Variants in KPNA4 observed in about 807,000 individuals in gnomAD.
KPNA4 encodes the protein importin subunit alpha-3.
In KPNA4, 13 loss-of-function variants were observed where a neutral mutation model predicts 71.3. The observed-to-expected ratio is 0.18, with a 90% CI of 0.12 to 0.29. KPNA4 has a LOEUF of 0.29. Among genes scored for constraint, KPNA4 ranks in the 10% least tolerant of loss-of-function variants. The probability of loss-of-function intolerance (pLI) is 1.00; values close to 1 mark genes in which losing one functional copy is unlikely to be tolerated. For missense variants in KPNA4, 334 were observed against 603.2 expected, an observed-to-expected ratio of 0.55 and a Z score of 4.67; for synonymous variants, 189 against 195.2, an observed-to-expected ratio of 0.97 and a Z score of 0.26.
chr3:160,554,249 G>A (rs535953689), intron 1 of KPNA4, among the ~76,000 whole-genome samples: 12 of 152,256 alleles, frequency 7.9e-5, no homozygotes, highest in South Asian at 6.2e-4. Context: ...CCCATTTAAA[G>A]TATACAATTC....
intron 1 of KPNA4, among the ~76,000 whole-genome samples, chr3:160,550,651 G>A (rs1722022150): frequency 6.6e-6 from 1 of 152,104 alleles, no homozygotes. Flanking sequence ...TTCATATATG[G>A]CCCTTATTAT....
intron 1 of KPNA4, among the ~76,000 whole-genome samples, chr3:160,539,484 CCAGA>C (rs1325916698): frequency 2.6e-5 from 4 of 152,124 alleles, no homozygotes; most frequent in South Asian, 4.1e-4. Context: ...GGATTACAAC[CCAGA>C]CAGTCTCACA....
rs1720784058 is a variant in KPNA4 at position 160,497,251 on chromosome 3, C to T, written c.*4853G>A. The T allele has an allele frequency of 6.6e-6, 1 of 152,158 alleles. No individual in the cohort carries two copies. The highest frequency in any genetic ancestry group is 2.4e-5 in the African/African-American group (1 of 41,418). 9.4% of individuals were successfully genotyped at this position (152,158 alleles called of 1,614,324 possible). The stretch of plus-strand genomic sequence containing the variant: ...CCAATACGGTGAAACCCCATTTCTA[C>T]TAAAAATACAAAAATTAGCCAGGCG... On this transcript the variant is annotated 3_prime_UTR_variant, in exon 17 of 17. Coordinates refer to ENST00000334256, the MANE Select transcript of KPNA4 (RefSeq NM_002268.5).
At chr3:160,521,225 A>T (rs1017225280) in intron 11 of KPNA4, among the ~76,000 whole-genome samples, 6 of 152,194 alleles carry the variant, frequency 3.9e-5, no homozygotes, top group African/African-American at 1.4e-4. Context: ...GAAGAGGAGT[A>T]GGAAAAAATA....
In KPNA4 at chr3:160,526,094, C is replaced by G. The variant is rs753324634; in HGVS notation, c.570G>C (p.Gln190His). ...CAAGACTTATGACATAATCTCTACA[C>G]TGGGGCCCATCACCTGTAGAAAAAA... ...ALGNIIGDGP[Q>H]CRDYVISLGV... is the part of the protein sequence containing the mutation. The change falls in exon 9 of 17, where the codon CAG (glutamine) becomes CAC (histidine). Residue 190 changes from glutamine to histidine, a missense_variant. By Grantham distance (24) the Gln-to-His change is conservative. Transcript: ENST00000334256. 4 of 1,545,718 alleles carry G rather than the reference C, an allele frequency of 2.6e-6. No individual in the cohort carries two copies. The highest frequency in any genetic ancestry group is 8.7e-7 in the Non-Finnish European group (1 of 1,152,374).
At chr3:160,557,617 G>A (rs373275174) in intron 1 of KPNA4, among the ~76,000 whole-genome samples, 1 of 152,108 alleles carries the variant, frequency 6.6e-6, no homozygotes, top group African/African-American at 2.4e-5. Flanking sequence ...AAAATGACAG[G>A]TGACTAAATT....
chr3:160,521,064 G>T (rs1409922636), intron 11 of KPNA4, among the ~76,000 whole-genome samples: 1 of 152,024 alleles, frequency 6.6e-6, no homozygotes, highest in African/African-American at 2.4e-5. Context: ...CAACAATTTA[G>T]AAAGTCCCTA....
intron 1 of KPNA4, among the ~76,000 whole-genome samples, chr3:160,547,534 G>A (rs1721947668): frequency 6.6e-6 from 1 of 151,806 alleles, no homozygotes; most frequent in Admixed American, 6.6e-5. Flanking sequence ...CCTGTTACCA[G>A]AATGGTACAT....
intron 7 of KPNA4, 96 bp from the exon 8 acceptor site, chr3:160,528,135 C>A: frequency 6.5e-6 from 5 of 767,158 alleles, no homozygotes; most frequent in South Asian, 1.8e-5. Flanking sequence ...AAAAAGGGAA[C>A]CTATAAAAAT....
intron 15 of KPNA4, among the ~76,000 whole-genome samples, chr3:160,506,775 CTAAT>C (rs1203602374): frequency 6.6e-6 from 1 of 152,112 alleles, no homozygotes; most frequent in Non-Finnish European, 1.5e-5. Flanking sequence ...TACTTAATCC[CTAAT>C]TAGTTCTGTA....
intron 1 of KPNA4, among the ~76,000 whole-genome samples, chr3:160,540,127 G>A (rs1721770334): frequency 6.6e-6 from 1 of 151,214 alleles, no homozygotes; most frequent in Non-Finnish European, 1.5e-5. Flanking sequence ...AGCCTCCTGA[G>A]TAGCTGGGAC....
chr3:160,548,707 C>T (rs1035239858), intron 1 of KPNA4, among the ~76,000 whole-genome samples: 1 of 152,114 alleles, frequency 6.6e-6, no homozygotes, highest in Non-Finnish European at 1.5e-5. Context: ...CATTAAATAA[C>T]CTTTTGCTTC....
chr3:160,565,126 C>T, intron 1 of KPNA4, 88 bp downstream of exon 1: 1 of 1,143,938 alleles, frequency 8.7e-7, no homozygotes, highest in South Asian at 1.3e-5. Context: ...GAGGCGGCTC[C>T]CGCCCCTAAT....
chr3:160,514,282 C>A, intron 12 of KPNA4, 101 bp from the exon 13 acceptor site: 1 of 697,230 alleles, frequency 1.4e-6, no homozygotes, highest in Non-Finnish European at 2.3e-6. Context: ...GATTTTACTA[C>A]GAAATGAGCT....
At chr3:160,552,905 T>C (rs1468738605) in intron 1 of KPNA4, among the ~76,000 whole-genome samples, 1 of 152,122 alleles carries the variant, frequency 6.6e-6, no homozygotes, top group Non-Finnish European at 1.5e-5. Flanking sequence ...TGGTATGGCC[T>C]TGAAGTTCTC....
At chr3:160,542,889 A>G (rs1378844830) in intron 1 of KPNA4, among the ~76,000 whole-genome samples, 1 of 152,218 alleles carries the variant, frequency 6.6e-6, no homozygotes, top group Non-Finnish European at 1.5e-5. Flanking sequence ...TCTAAACTGT[A>G]AGCATTGAAA....
At position 160,508,360 on chromosome 3, in the gene KPNA4, C is replaced by T. The variant is rs1033734360; in HGVS notation, c.1210-91G>A. 7 of 935,236 alleles carry T rather than the reference C, an allele frequency of 7.5e-6. No homozygotes were observed. The East Asian group carries it at 1.1e-4, about 15-fold the overall frequency. 57.9% of individuals were successfully genotyped at this position (935,236 alleles called of 1,614,324 possible). On this transcript the variant is annotated intron_variant, in intron 14 of 16. Coordinates refer to ENST00000334256, the MANE Select transcript of KPNA4 (RefSeq NM_002268.5). Reference sequence around the variant, plus strand: ...TGGAATAATTCTGATTTTGAAATTTCGAGTATAGAAATATGACCTCATCTC... The same window carrying T: ...TGGAATAATTCTGATTTTGAAATTTTGAGTATAGAAATATGACCTCATCTC...
At chr3:160,519,054 G>A (rs556589580) in intron 11 of KPNA4, among the ~76,000 whole-genome samples, 2 of 151,930 alleles carry the variant, frequency 1.3e-5, no homozygotes, top group South Asian at 4.2e-4. Flanking sequence ...GCTATTTCTA[G>A]GCCCCTTATA....
chr3:160,543,897 G>A (rs529091097), intron 1 of KPNA4, among the ~76,000 whole-genome samples: 1 of 150,972 alleles, frequency 6.6e-6, no homozygotes, highest in Non-Finnish European at 1.5e-5. Context: ...CGCTCTTGCT[G>A]CCCAGGCTGC....
Sources: gnomAD v4.1 joint callset for allele counts (sites outside exome capture counted in the v4.1 genomes callset) on GRCh38, gnomAD v4.1.1 for gene constraint, MANE v1.5 for transcripts, NCBI Gene and HGNC (gene_info 2026-07-23, HGNC 2026-07-21) for gene names.